Variants in CPQ observed in about 807,000 individuals in gnomAD.
CPQ encodes Ser-Met dipeptidase.
In CPQ, 37 loss-of-function variants were observed where a neutral mutation model predicts 45.7. The observed-to-expected ratio is 0.81, with a 90% CI of 0.62 to 1.07. The LOEUF (loss-of-function observed/expected upper bound fraction) is 1.07. CPQ is among the 50% of genes least tolerant of loss of function. CPQ has a pLI of 0.00. For synonymous variants in CPQ, 186 were observed against 205.8 expected, an observed-to-expected ratio of 0.90 and a Z score of 0.82; for missense variants, 537 against 572.9, an observed-to-expected ratio of 0.94 and a Z score of 0.64.
At chr8:96,890,307 C>T (rs759660807) in intron 4 of CPQ, among the ~76,000 whole-genome samples, 9 of 152,220 alleles carry the variant, frequency 5.9e-5, no homozygotes, top group Non-Finnish European at 8.8e-5. Flanking sequence ...TTACAGTCCT[C>T]TTTCTGTAGC....
intron 5 of CPQ, among the ~76,000 whole-genome samples, chr8:96,998,222 CAG>C (rs568528428): frequency 1.3e-5 from 2 of 151,850 alleles, no homozygotes; most frequent in South Asian, 4.1e-4. Flanking sequence ...AAAATAAAAA[CAG>C]GAGTTTATGA....
rs551894207 is a variant in CPQ at position 96,960,425 on chromosome 8, TG to T, written c.850-5509del. The stretch of plus-strand genomic sequence containing the variant: ...CATCTAATGTTTGGTTGAACTCACT[TG>T]TAAAACTGTCTGAGCCCCTTGACTT... On this transcript the variant is annotated intron_variant, in intron 4 of 7. Transcript: ENST00000220763. Among the ~76,000 whole-genome samples, 69 of 152,342 alleles carry T rather than the reference TG, an allele frequency of 4.5e-4. No homozygotes were observed. The South Asian group carries it at 0.014, about 30-fold the overall frequency.
chr8:96,709,722 G>T (rs1288803635), intron 1 of CPQ, among the ~76,000 whole-genome samples: 1 of 152,064 alleles, frequency 6.6e-6, no homozygotes, highest in Non-Finnish European at 1.5e-5. Context: ...CTGCATCCTT[G>T]GGATAAAACC....
intron 3 of CPQ, among the ~76,000 whole-genome samples, chr8:96,836,424 G>A (rs1180470797): frequency 6.6e-6 from 1 of 152,158 alleles, no homozygotes. Context: ...ATGTTAGAAA[G>A]TTATACGACT....
At chr8:97,139,868 A>G (rs1812127056) in intron 7 of CPQ, among the ~76,000 whole-genome samples, 1 of 152,004 alleles carries the variant, frequency 6.6e-6, no homozygotes, top group South Asian at 2.1e-4. Flanking sequence ...GAGGAGTAAA[A>G]TAATATAAGC....
At chr8:97,010,608 AG>A (rs1389263631) in intron 5 of CPQ, among the ~76,000 whole-genome samples, 1 of 152,136 alleles carries the variant, frequency 6.6e-6, no homozygotes, top group Non-Finnish European at 1.5e-5. Flanking sequence ...CTCTAAACAC[AG>A]CATCAGTGGA....
intron 7 of CPQ, among the ~76,000 whole-genome samples, chr8:97,074,491 G>T (rs562619462): frequency 6.6e-6 from 1 of 152,272 alleles, no homozygotes; most frequent in African/African-American, 2.4e-5. Flanking sequence ...GAATGGACAG[G>T]CCAGGCACGG....
intron 7 of CPQ, among the ~76,000 whole-genome samples, chr8:97,115,955 G>A (rs900756266): frequency 6.6e-6 from 1 of 152,094 alleles, no homozygotes; most frequent in Non-Finnish European, 1.5e-5. Flanking sequence ...TGAAAAGTTT[G>A]GTAATAAAGG....
chr8:97,048,327 C>T (rs1427060966), intron 6 of CPQ, among the ~76,000 whole-genome samples: 1 of 152,148 alleles, frequency 6.6e-6, no homozygotes, highest in Non-Finnish European at 1.5e-5. Context: ...GTCCCTTAAT[C>T]CCAGTTGCCT....
At chr8:96,844,831 C>T (rs1811663600) in intron 3 of CPQ, among the ~76,000 whole-genome samples, 1 of 152,174 alleles carries the variant, frequency 6.6e-6, no homozygotes, top group South Asian at 2.1e-4. Flanking sequence ...GGAGCCCACT[C>T]TCCTTAGTCT....
At chr8:96,798,273 G>T (rs187679699) in intron 2 of CPQ, among the ~76,000 whole-genome samples, 2 of 151,586 alleles carry the variant, frequency 1.3e-5, no homozygotes, top group African/African-American at 4.8e-5. Flanking sequence ...GGGCCCACAG[G>T]TGCATGCCAC....
intron 5 of CPQ, among the ~76,000 whole-genome samples, chr8:96,971,927 T>C (rs1813686432): frequency 6.6e-6 from 1 of 152,114 alleles, no homozygotes; most frequent in African/African-American, 2.4e-5. Flanking sequence ...GACAGAGCAG[T>C]GTTTGGAGAC....
intron 7 of CPQ, among the ~76,000 whole-genome samples, chr8:97,128,571 G>A (rs1252102765): frequency 6.6e-6 from 1 of 152,122 alleles, no homozygotes; most frequent in Admixed American, 6.5e-5. Flanking sequence ...TGTAATCCCA[G>A]CTACTCAGGA....
At chr8:96,739,930 G>C (rs1215081961) in intron 1 of CPQ, among the ~76,000 whole-genome samples, 2 of 152,160 alleles carry the variant, frequency 1.3e-5, no homozygotes, top group Non-Finnish European at 2.9e-5. Flanking sequence ...GCTCAGGATT[G>C]ACTTGATGAT....
At chr8:97,080,565 T>C (rs1306436555) in intron 7 of CPQ, among the ~76,000 whole-genome samples, 1 of 152,208 alleles carries the variant, frequency 6.6e-6, no homozygotes, top group Non-Finnish European at 1.5e-5. Flanking sequence ...ATAATTTCAT[T>C]AGCTTAAACT....
Position 96,983,828 on chromosome 8 carries a change from C to CTT in CPQ, c.961+17795_961+17796dup, listed in dbSNP as rs77058864. Among the ~76,000 whole-genome samples the CTT allele has an allele frequency of 2.0e-3, 276 of 137,924 alleles. 1 individual carries two copies. The highest frequency in any genetic ancestry group is 4.3e-3 in the South Asian group (19 of 4,378). The allele number at this position is 137,924 out of a possible 152,430, so 90.5% of individuals were successfully genotyped here. A position where few individuals can be genotyped will look rare whatever the true frequency, so the allele number is the denominator to read the frequency against. On this transcript the variant is annotated intron_variant, in intron 5 of 7. Coordinates refer to ENST00000220763, the MANE Select transcript of CPQ (RefSeq NM_016134.4). ...CATAGAACCAATTCTTTTTTGGTTA[C>CTT]TTTTTTTTTTTTTTACTATTCCTTT...
chr8:97,103,174 C>A (rs1021290155), intron 7 of CPQ, among the ~76,000 whole-genome samples: 2 of 152,126 alleles, frequency 1.3e-5, no homozygotes, highest in Non-Finnish European at 2.9e-5. Flanking sequence ...TTTAAGCACA[C>A]CTGCAAAGTT....
intron 1 of CPQ, among the ~76,000 whole-genome samples, chr8:96,706,350 G>A (rs1247587733): frequency 1.3e-5 from 2 of 152,032 alleles, no homozygotes; most frequent in African/African-American, 2.4e-5. Flanking sequence ...CTATATCTAA[G>A]TAACTTGGCT....
chr8:96,999,410 G>A (rs746632255), intron 5 of CPQ, among the ~76,000 whole-genome samples: 94 of 151,640 alleles, frequency 6.2e-4, no homozygotes, highest in Non-Finnish European at 1.0e-3. Context: ...CCTCCAAAAA[G>A]CCCTAGTGTA....
Sources: gnomAD v4.1 joint callset for allele counts (sites outside exome capture counted in the v4.1 genomes callset) on GRCh38, gnomAD v4.1.1 for gene constraint, MANE v1.5 for transcripts, NCBI Gene and HGNC (gene_info 2026-07-23, HGNC 2026-07-21) for gene names.